The following RNFT2 variants were observed in gnomAD, a reference collection of about 807,000 sequenced individuals.
RNFT2 encodes ring finger protein, transmembrane 2, also known as E3 ubiquitin-protein ligase RNFT2.
A neutral mutation model predicts 53.0 loss-of-function variants in RNFT2; 36 were observed. That is an observed-to-expected ratio of 0.68 (90% CI 0.52 to 0.90). The LOEUF (loss-of-function observed/expected upper bound fraction) is 0.90, where lower values mean the gene tolerates loss of function less well. RNFT2 is among the 40% of genes least tolerant of loss of function. RNFT2 has a pLI of 0.00. For missense variants in RNFT2, 514 were observed against 585.6 expected (o/e 0.88, Z 1.26); for synonymous variants, 260 against 253.2 (o/e 1.03, Z -0.26).
chr12:116,782,191 G>T (rs1038893916), intron 7 of RNFT2: 4 of 151,106 alleles, frequency 2.6e-5, no homozygotes, highest in Admixed American at 1.3e-4. Flanking sequence ...ACAAATTCAT[G>T]AAGCATTCTA....
At chr12:116,827,708 G>A (rs1171136447) in intron 7 of RNFT2, among the ~76,000 whole-genome samples, 1 of 152,238 alleles carries the variant, frequency 6.6e-6, no homozygotes, top group Non-Finnish European at 1.5e-5. Context: ...CGTATGGCCT[G>A]CAAAGGCTAA....
At chr12:116,753,901 G>A in intron 4 of RNFT2, 83 bp from the exon 5 acceptor site, 3 of 1,015,686 alleles carry the variant, frequency 3.0e-6, no homozygotes, top group Non-Finnish European at 3.1e-6. Context: ...CCAGGGATGT[G>A]CCTTTTCCCC....
chr12:116,760,634 G>A (rs1023121247), intron 5 of RNFT2, among the ~76,000 whole-genome samples: 4 of 152,300 alleles, frequency 2.6e-5, no homozygotes, highest in Non-Finnish European at 4.4e-5. Flanking sequence ...GAGTGTTCGG[G>A]AGAGGAGGGT....
chr12:116,752,013 T>C (rs1342502014), intron 4 of RNFT2, among the ~76,000 whole-genome samples: 1 of 152,146 alleles, frequency 6.6e-6, no homozygotes, highest in Non-Finnish European at 1.5e-5. Context: ...AGTACTGCAG[T>C]AGGAGTGATG....
intron 7 of RNFT2, among the ~76,000 whole-genome samples, chr12:116,820,424 T>C (rs1015880338): frequency 2.0e-5 from 3 of 152,208 alleles, no homozygotes; most frequent in African/African-American, 4.8e-5. Context: ...CAATTCAGAA[T>C]AGCCACATTT....
At chr12:116,834,024 A>G (rs1876829645) in intron 8 of RNFT2, 83 bp downstream of exon 8, 3 of 1,232,364 alleles carry the variant, frequency 2.4e-6, no homozygotes, top group East Asian at 2.9e-5. Flanking sequence ...TGGGCAACCT[A>G]GAATACCCAT....
At chr12:116,742,468 T>C (rs542381621) in intron 3 of RNFT2, among the ~76,000 whole-genome samples, 11 of 151,838 alleles carry the variant, frequency 7.2e-5, no homozygotes, top group South Asian at 6.3e-4. Flanking sequence ...GGTTTTGTTA[T>C]GTTTCCCAGG....
intron 5 of RNFT2, among the ~76,000 whole-genome samples, chr12:116,758,025 T>G (rs1219117027): frequency 3.9e-5 from 6 of 152,214 alleles, no homozygotes; most frequent in Admixed American, 3.3e-4. Flanking sequence ...TGCATATATA[T>G]TTAGAATTGT....
At chr12:116,740,274 A>G (rs1488558683) in intron 1 of RNFT2, 71 bp from the exon 2 acceptor site, 2 of 523,882 alleles carry the variant, frequency 3.8e-6, no homozygotes, top group Non-Finnish European at 6.9e-6. Flanking sequence ...GCTACCAACA[A>G]TGTCCTAAGG....
At chr12:116,835,920 C>A in intron 8 of RNFT2, 40 bp from the exon 9 acceptor site, 1 of 1,611,530 alleles carries the variant, frequency 6.2e-7, no homozygotes, top group Non-Finnish European at 8.5e-7. Context: ...CACGAGTGAT[C>A]CTTGGGTACA....
intron 7 of RNFT2, among the ~76,000 whole-genome samples, chr12:116,790,755 A>T (rs1291202459): frequency 6.6e-6 from 1 of 152,214 alleles, no homozygotes; most frequent in Non-Finnish European, 1.5e-5. Context: ...CCAGGAGTTC[A>T]ATACCAGCTT....
chr12:116,745,136 G>C (rs182942425), intron 3 of RNFT2, among the ~76,000 whole-genome samples: 204 of 151,768 alleles, frequency 1.3e-3, no homozygotes, highest in African/African-American at 4.5e-3. Flanking sequence ...CTTGGTGAGG[G>C]AGGGAATCCA....
intron 6 of RNFT2, among the ~76,000 whole-genome samples, chr12:116,768,289 T>C (rs897149173): frequency 1.3e-5 from 2 of 151,934 alleles, no homozygotes; most frequent in Non-Finnish European, 2.9e-5. Flanking sequence ...TTCATAGAGA[T>C]GGGGTTTCAC....
rs1405254698 is a variant in RNFT2, at chr12:116,762,420, G to C, written c.628-4394G>C. ...TCTCAAAACAAAAAAAAAAAACAAA[G>C]AAAGAAATAGTGCATACAAGGTGTT... On this transcript the variant is annotated intron_variant, in intron 5 of 10. Coordinates refer to ENST00000257575, the MANE Select transcript of RNFT2 (RefSeq NM_001382266.1). Among the ~76,000 whole-genome samples, 31 of 149,192 alleles carry C rather than the reference G, an allele frequency of 2.1e-4. 1 individual carries two copies. The highest frequency in any genetic ancestry group is 1.1e-3 in the Admixed American group (16 of 14,968).
intron 7 of RNFT2, among the ~76,000 whole-genome samples, chr12:116,814,597 G>A (rs954313307): frequency 1.3e-5 from 2 of 152,174 alleles, no homozygotes; most frequent in African/African-American, 4.8e-5. Context: ...AGCAGAAGAA[G>A]GGGCAGGGCA....
At chr12:116,805,525 A>T (rs897233614) in intron 7 of RNFT2, among the ~76,000 whole-genome samples, 17 of 152,048 alleles carry the variant, frequency 1.1e-4, no homozygotes, top group Non-Finnish European at 1.9e-4. Flanking sequence ...CCCAGGCTGG[A>T]GTGCAGTGGC....
At chr12:116,829,933 G>A (rs1293885854) in intron 7 of RNFT2, among the ~76,000 whole-genome samples, 2 of 151,952 alleles carry the variant, frequency 1.3e-5, no homozygotes. Flanking sequence ...AAAATCTGGA[G>A]AGAGCATAAA....
At position 116,851,990 on chromosome 12, in the gene RNFT2, A is replaced by G. The variant is rs1199249263; in HGVS notation, c.*2542A>G. The stretch of plus-strand genomic sequence containing the variant: ...ACCTATGTTATGGATGTTTCCACCA[A>G]CCAGGGTAGTGGCATGGAGCACCGT... On this transcript the variant is annotated 3_prime_UTR_variant, in exon 11 of 11. Transcript: ENST00000257575. The G allele has an allele frequency of 1.4e-6, 2 of 1,475,958 alleles. No individual in the cohort carries two copies. The highest frequency in any genetic ancestry group is 2.3e-5 in the Admixed American group (1 of 43,024). The allele number at this position is 1,475,958 out of a possible 1,614,324, so 91.4% of individuals were successfully genotyped here. A position where few individuals can be genotyped will look rare whatever the true frequency, so the allele number is the denominator to read the frequency against.
rs56185708 is a variant in RNFT2, at chr12:116,785,249, C to CTGTGTGTGTGTGTGTGTGTGTGTGTG, written c.882+5902_882+5927dup. Among the ~76,000 whole-genome samples, 898 of 139,132 alleles carry CTGTGTGTGTGTGTGTGTGTGTGTGTG rather than the reference C, an allele frequency of 6.5e-3. 12 individuals are homozygous for CTGTGTGTGTGTGTGTGTGTGTGTGTG. The highest frequency in any genetic ancestry group is 8.7e-3 in the African/African-American group (316 of 36,300). The allele number at this position is 139,132 out of a possible 152,430, so 91.3% of individuals were successfully genotyped here. ...TCATAGCATTTGTGATTACCTACTT[C>CTGTGTGTGTGTGTGTGTGTGTGTGTG]TGTGTGTGTGTGTGTGTGTGTGTGT... is the stretch of plus-strand genomic sequence containing the variant. On this transcript the variant is annotated intron_variant, in intron 7 of 10. Coordinates refer to ENST00000257575, the MANE Select transcript of RNFT2 (RefSeq NM_001382266.1).
Sources: gnomAD v4.1 joint callset for allele counts (sites outside exome capture counted in the v4.1 genomes callset) on GRCh38, gnomAD v4.1.1 for gene constraint, MANE v1.5 for transcripts, NCBI Gene and HGNC (gene_info 2026-07-23, HGNC 2026-07-21) for gene names.